Variants in FANCA observed in about 807,000 individuals in gnomAD.
The protein encoded by FANCA is FA complementation group A.
FANCA carries 236 observed loss-of-function variants against 194.3 expected under a neutral mutation model. That is an observed-to-expected ratio of 1.21 (90% CI 1.09 to 1.35). The LOEUF (loss-of-function observed/expected upper bound fraction) is 1.35, where lower values mean the gene tolerates loss of function less well. Ranked by LOEUF, FANCA falls within the 40% of genes most tolerant of loss-of-function variation. The pLI is 0.00. For missense variants in FANCA, 2,628 were observed against 1,813.9 expected, an observed-to-expected ratio of 1.45 and a Z score of -8.15; for synonymous variants, 1,014 against 715.8, an observed-to-expected ratio of 1.42 and a Z score of -6.65.
chr16:89,752,211 TA>T lies in FANCA; in HGVS notation c.2992del (p.Tyr998MetfsTer28). The T allele has an allele frequency of 1.2e-6, 2 of 1,613,732 alleles. No individual in the cohort carries two copies. Among genetic ancestry groups the T allele is most frequent in the South Asian group, 1.1e-5 (1 of 91,072 alleles). On this transcript the variant is annotated frameshift_variant, in exon 31 of 43. Transcript: ENST00000389301. LOFTEE classifies it high-confidence loss of function. ...LMDFHQSSRS[Y>X]DHSENSDLVF... The stretch of plus-strand genomic sequence containing the variant: ...CAAATCAGAATTTTCTGAGTGGTCA[TA>T]ACTCCTTGAGCTGAAATGAAAATAC...
chr16:89,740,011 AAG>A lies in FANCA; in HGVS notation c.3915_3916del (p.Phe1306SerfsTer6), dbSNP rs748453841. Reference sequence around the variant, plus strand: ...TTTCTTACCACTCTCTGTCAACTGAAAGAGTGCCAGCCAGGATATCTTCCTCT... The same window carrying A: ...TTTCTTACCACTCTCTGTCAACTGAAAGTGCCAGCCAGGATATCTTCCTCT... On this transcript the variant is annotated frameshift_variant, in exon 39 of 43. Transcript: ENST00000389301. LOFTEE classifies it high-confidence loss of function. 3.1e-6 allele frequency: 5 copies of A among 1,614,018 alleles called. No individual in the cohort carries two copies. The African/African-American group carries it at 6.7e-5, about 22-fold the overall frequency.
rs987571161 is a variant in FANCA, at chr16:89,767,204, G to C, written c.2538C>G (p.Cys846Trp). ...FCTAAISYSL[C>W]KFSSQSRDTL... ...TATCTCGTGACTGGGAAGAAAACTT[G>C]CAGAGAGAGTAAGAAATTGCTGCTG... The change falls in exon 27 of 43, where the codon TGC (cysteine) becomes TGG (tryptophan). Residue 846 changes from cysteine (C) to tryptophan (W), a missense_variant. By Grantham distance (215) the Cys-to-Trp change is radical. Coordinates refer to ENST00000389301, the MANE Select transcript of FANCA (RefSeq NM_000135.4). 6.2e-7 allele frequency: 1 copy of C among 1,613,662 alleles called. No homozygotes were observed. Among genetic ancestry groups the C allele is most frequent in the African/African-American group, 1.3e-5 (1 of 75,054 alleles).
At chr16:89,784,757 A>G in intron 15 of FANCA, 97 bp downstream of exon 15, 1 of 893,126 alleles carries the variant, frequency 1.1e-6, no homozygotes, top group South Asian at 1.3e-5. Flanking sequence ...GGCTCAGAGC[A>G]GATCTGCAGG....
At chr16:89,786,245 G>A (rs926984835) in intron 14 of FANCA, among the ~76,000 whole-genome samples, 3 of 151,928 alleles carry the variant, frequency 2.0e-5, no homozygotes, top group African/African-American at 7.3e-5. Context: ...GCGCAGTGGC[G>A]TAATCTCGGC....
At chr16:89,812,946 T>C (rs1443383789) in intron 3 of FANCA, among the ~76,000 whole-genome samples, 2 of 150,738 alleles carry the variant, frequency 1.3e-5, no homozygotes, top group East Asian at 2.0e-4. Flanking sequence ...GGCAGGAGAA[T>C]TGCTTGAACC....
intron 26 of FANCA, among the ~76,000 whole-genome samples, chr16:89,768,948 G>A (rs1400523527): frequency 6.6e-6 from 1 of 152,026 alleles, no homozygotes; most frequent in African/African-American, 2.4e-5. Context: ...GGTGAGTGGG[G>A]ACTGTCTGGT....
chr16:89,799,557 A>C (rs201105034), intron 9 of FANCA, 48 bp downstream of exon 9: 6 of 1,561,362 alleles, frequency 3.8e-6, no homozygotes, highest in Non-Finnish European at 5.3e-6. Flanking sequence ...AATTGCTAAT[A>C]AGCAAACTAA....
chr16:89,761,904 T>C (rs778684097), intron 29 of FANCA, 45 bp downstream of exon 29: 19 of 1,469,648 alleles, frequency 1.3e-5, no homozygotes, highest in Non-Finnish European at 1.8e-5. Context: ...GGATTATAGG[T>C]GTGAGCCATC....
chr16:89,770,095 C>T (rs374475937), intron 25 of FANCA, 71 bp from the exon 26 acceptor site: 161 of 1,581,652 alleles, frequency 1.0e-4, no homozygotes, highest in East Asian at 8.3e-4. Context: ...GCACTGAAGA[C>T]GAATTGAGAA....
At chr16:89,810,472 A>G in intron 5 of FANCA, 1 of 515,472 alleles carries the variant, frequency 1.9e-6, no homozygotes, top group Non-Finnish European at 3.5e-6. Flanking sequence ...GTTTTTCAAT[A>G]TATTCTAGTC....
intron 8 of FANCA, 51 bp downstream of exon 8, chr16:89,803,208 G>C (rs779197195): frequency 2.6e-6 from 4 of 1,527,574 alleles, no homozygotes; most frequent in Non-Finnish European, 3.6e-6. Context: ...TCAACACTTG[G>C]AATAAGGACG....
Position 89,815,961 on chromosome 16 carries a change from A to G in FANCA, c.105T>C (p.Tyr35=), listed in dbSNP as rs747928827. Reference sequence around the variant, plus strand: ...TTAATTTCTGTGCCCTTTCAGGATTATATTTTTCCCTCTTGACCCTTCCCG... The same window carrying G: ...TTAATTTCTGTGCCCTTTCAGGATTGTATTTTTCCCTCTTGACCCTTCCCG... ...LLAGRVKREK[Y]NPERAQKLKE... Residue 35 remains tyrosine, a synonymous_variant, in exon 2 of 43, where the codon TAT becomes TAC. Transcript: ENST00000389301. 1.8e-5 allele frequency: 29 copies of G among 1,614,052 alleles called. No individual in the cohort carries two copies. In the African/African-American group the frequency reaches 2.9e-4, roughly 16 times the overall value.
At chr16:89,777,245 G>T (rs1490456303) in intron 20 of FANCA, among the ~76,000 whole-genome samples, 1 of 151,804 alleles carries the variant, frequency 6.6e-6, no homozygotes, top group Non-Finnish European at 1.5e-5. Flanking sequence ...GGCTGGGTGT[G>T]GTGGAGCACG....
intron 15 of FANCA, among the ~76,000 whole-genome samples, chr16:89,784,421 TAAAAAAA>T (rs59766959): frequency 8.5e-6 from 1 of 118,306 alleles, no homozygotes; most frequent in Non-Finnish European, 1.9e-5. Flanking sequence ...CACATGAAAT[TAAAAAAA>T]AAAAAAAAAA....
At chr16:89,765,672 G>A (rs893415135) in intron 27 of FANCA, among the ~76,000 whole-genome samples, 1 of 152,266 alleles carries the variant, frequency 6.6e-6, no homozygotes, top group Non-Finnish European at 1.5e-5. Flanking sequence ...GGTGCTGCGT[G>A]ACCGTGTCCA....
At chr16:89,752,257 T>C (rs2038621602) in intron 30 of FANCA, 35 bp from the exon 31 acceptor site, 3 of 1,565,746 alleles carry the variant, frequency 1.9e-6, no homozygotes, top group Admixed American at 1.7e-5. Flanking sequence ...CTCCTCAGTA[T>C]CGCCTAATAG....
chr16:89,797,838 T>C (rs1416759582), intron 10 of FANCA, among the ~76,000 whole-genome samples: 3 of 152,050 alleles, frequency 2.0e-5, no homozygotes, highest in African/African-American at 7.2e-5. Flanking sequence ...GAGGTTGCAG[T>C]GAGCAGAGAT....
Position 89,791,287 on chromosome 16 carries a change from C to T in FANCA, c.1359+116G>A. The T allele has an allele frequency of 2.8e-6, 4 of 1,411,916 alleles. No homozygotes were observed. The South Asian group carries it at 4.9e-5, about 17-fold the overall frequency. 87.5% of individuals were successfully genotyped at this position (1,411,916 alleles called of 1,614,324 possible). ...GATCTGCCAAGGCCACTCGGCAAAGCTGACAGCAAGGTTGCTCACTCACAT... is the reference window on the plus strand; with the variant it reads ...GATCTGCCAAGGCCACTCGGCAAAGTTGACAGCAAGGTTGCTCACTCACAT... On this transcript the variant is annotated intron_variant, in intron 14 of 42. Coordinates refer to ENST00000389301, the MANE Select transcript of FANCA (RefSeq NM_000135.4).
At chr16:89,753,319 C>T (rs542044271) in intron 30 of FANCA, among the ~76,000 whole-genome samples, 2 of 152,154 alleles carry the variant, frequency 1.3e-5, no homozygotes, top group African/African-American at 4.8e-5. Flanking sequence ...GGGCCACTAC[C>T]GGTCTCCGCG....
Sources: gnomAD v4.1 joint callset for allele counts (sites outside exome capture counted in the v4.1 genomes callset) on GRCh38, gnomAD v4.1.1 for gene constraint, MANE v1.5 for transcripts, NCBI Gene and HGNC (gene_info 2026-07-23, HGNC 2026-07-21) for gene names.